TMEM163: variants seen among roughly 807,000 people sequenced by gnomAD.
The protein encoded by TMEM163 is transmembrane protein 163.
TMEM163 carries 17 observed loss-of-function variants against 29.3 expected under a neutral mutation model. The observed-to-expected ratio is 0.58, with a 90% confidence interval of 0.40 to 0.87. The LOEUF is 0.87. Ranked by LOEUF, TMEM163 falls within the 40% of genes least tolerant of loss-of-function variation. The pLI is 0.00. For synonymous variants in TMEM163, 157 were observed against 160.6 expected, an observed-to-expected ratio of 0.98 and a Z score of 0.17; for missense variants, 303 against 381.5, an observed-to-expected ratio of 0.79 and a Z score of 1.71.
intron 1 of TMEM163, among the ~76,000 whole-genome samples, chr2:134,718,445 G>T (rs114760154): frequency 0.013 from 1,929 of 152,354 alleles, 34 homozygotes; most frequent in African/African-American, 0.042. Context: ...TTTCCCGTGG[G>T]CGCCGGAGGG....
At chr2:134,492,174 A>G (rs905324551) in intron 5 of TMEM163, among the ~76,000 whole-genome samples, 8 of 152,186 alleles carry the variant, frequency 5.3e-5, no homozygotes, top group African/African-American at 1.7e-4. Context: ...TTACAGCATT[A>G]ATTTTAGCAG....
At chr2:134,493,938 T>C (rs1679488394) in intron 5 of TMEM163, among the ~76,000 whole-genome samples, 1 of 152,124 alleles carries the variant, frequency 6.6e-6, no homozygotes, top group Non-Finnish European at 1.5e-5. Context: ...TATGTGCAGG[T>C]CTATTTCTGG....
intron 2 of TMEM163, among the ~76,000 whole-genome samples, chr2:134,615,651 CTTTTTTTTTTTT>C (rs35159964): frequency 2.5e-5 from 2 of 79,160 alleles, no homozygotes; most frequent in South Asian, 4.7e-4. Flanking sequence ...AAGAGCAGAG[CTTTTTTTTTTTT>C]TTTTTTTTTT....
intron 4 of TMEM163, among the ~76,000 whole-genome samples, chr2:134,546,356 C>A (rs1680784239): frequency 6.6e-6 from 1 of 152,112 alleles, no homozygotes; most frequent in African/African-American, 2.4e-5. Context: ...ATTATTCAGC[C>A]TTTAGGCAGG....
chr2:134,563,210 A>C (rs1681222501), intron 2 of TMEM163, among the ~76,000 whole-genome samples: 2 of 152,260 alleles, frequency 1.3e-5, no homozygotes, highest in African/African-American at 4.8e-5. Context: ...CTCCACTGCC[A>C]GCCAGGCAGT....
chr2:134,569,742 G>A (rs1284418950), intron 2 of TMEM163, among the ~76,000 whole-genome samples: 1 of 152,132 alleles, frequency 6.6e-6, no homozygotes, highest in African/African-American at 2.4e-5. Context: ...TCCATATACA[G>A]TAGTCCCCTT....
Position 134,596,544 on chromosome 2 carries a change from C to T in TMEM163, c.323-44453G>A, listed in dbSNP as rs551463653. 6.4e-3 allele frequency among the ~76,000 whole-genome samples: 970 copies of T among 152,228 alleles called. 15 individuals carry two copies. Among genetic ancestry groups the T allele is most frequent in the African/African-American group, 0.022 (924 of 41,514 alleles). ...TGTAGTATAGTTTGAAGTCAGATAG[C>T]GTGATGCCTCCAGCTTTGTTCTTTT... On this transcript the variant is annotated intron_variant, in intron 2 of 7. Coordinates refer to ENST00000281924, the MANE Select transcript of TMEM163 (RefSeq NM_030923.5).
chr2:134,535,725 TTTTG>T (rs369742498), intron 4 of TMEM163, among the ~76,000 whole-genome samples: 10,806 of 145,900 alleles, frequency 0.074, 699 homozygotes, highest in African/African-American at 0.18. Flanking sequence ...TGGTTTTTTT[TTTTG>T]TTTGTTTGTT....
intron 2 of TMEM163, among the ~76,000 whole-genome samples, chr2:134,585,525 G>A (rs1033783021): frequency 3.3e-5 from 5 of 152,142 alleles, no homozygotes; most frequent in Non-Finnish European, 4.4e-5. Flanking sequence ...GGCAGATTAC[G>A]AGGTCAAGAG....
chr2:134,540,017 G>A (rs1386572774), intron 4 of TMEM163, among the ~76,000 whole-genome samples: 1 of 152,194 alleles, frequency 6.6e-6, no homozygotes, highest in Non-Finnish European at 1.5e-5. Context: ...AGGGCAGCAG[G>A]GAGCAGAAGA....
Position 134,718,928 on chromosome 2 carries a change from G to T in TMEM163, c.8C>A (p.Pro3Gln). ...GCTGCGGCGCTGGATGCCCGCGGCC[G>T]GCTCCATGGCGCGGGGCTGCGGATC... Reference protein sequence around the residue: MEPAAGIQRRSSQ... With the variant: MEQAAGIQRRSSQ... Residue 3 changes from proline (P) to glutamine (Q), a missense_variant, in exon 1 of 8, where the codon CCG (proline) becomes CAG (glutamine). Pro to Gln is a moderately conservative substitution (Grantham distance 76, BLOSUM62 -1). Transcript: ENST00000281924. 9.5e-7 allele frequency: 1 copy of T among 1,052,226 alleles called. No individual in the cohort carries two copies. The highest frequency in any genetic ancestry group is 1.1e-6 in the Non-Finnish European group (1 of 875,154). 65.2% of individuals were successfully genotyped at this position (1,052,226 alleles called of 1,614,324 possible).
rs77055286 is a variant in TMEM163 at position 134,693,889 on chromosome 2, G to C, written c.322+19311C>G. On this transcript the variant is annotated intron_variant, in intron 2 of 7. Transcript: ENST00000281924. ...GTCTGGGGATGTTCAGTCTTTGGAAGAGGTGACAAAACAACACAATAAGCT... is the reference window on the plus strand; with the variant it reads ...GTCTGGGGATGTTCAGTCTTTGGAACAGGTGACAAAACAACACAATAAGCT... Among the ~76,000 whole-genome samples the C allele has an allele frequency of 0.019, 2,859 of 152,256 alleles. 195 individuals carry two copies. The East Asian group carries it at 0.24, about 13-fold the overall frequency.
At chr2:134,461,501 T>G (rs1192959221) in intron 6 of TMEM163, among the ~76,000 whole-genome samples, 1 of 152,148 alleles carries the variant, frequency 6.6e-6, no homozygotes, top group Non-Finnish European at 1.5e-5. Flanking sequence ...TTCCTCTGAT[T>G]TGTAGTGTGT....
chr2:134,494,638 G>A (rs924981662), intron 5 of TMEM163, among the ~76,000 whole-genome samples: 2 of 152,204 alleles, frequency 1.3e-5, no homozygotes, highest in African/African-American at 4.8e-5. Flanking sequence ...CAGCCATCAT[G>A]TAAGCCAACA....
chr2:134,474,441 C>T (rs1098871), intron 5 of TMEM163, among the ~76,000 whole-genome samples: 99,084 of 151,884 alleles, frequency 0.65, 35,504 homozygotes, highest in East Asian at 0.98. Context: ...TATCAACCAA[C>T]GGTGAAAAAA....
chr2:134,515,042 T>TAG (rs1680028806), intron 4 of TMEM163, among the ~76,000 whole-genome samples: 2 of 152,206 alleles, frequency 1.3e-5, no homozygotes, highest in African/African-American at 4.8e-5. Flanking sequence ...AGCTGACAGA[T>TAG]AGAAGATTCT....
chr2:134,556,798 G>A (rs1414762204), intron 2 of TMEM163, among the ~76,000 whole-genome samples: 1 of 152,168 alleles, frequency 6.6e-6, no homozygotes, highest in Admixed American at 6.6e-5. Context: ...GCCAGCCTAG[G>A]CAACAGAGGG....
chr2:134,505,979 C>G (rs540814953), intron 4 of TMEM163, among the ~76,000 whole-genome samples: 48 of 152,270 alleles, frequency 3.2e-4, no homozygotes, highest in Admixed American at 8.5e-4. Flanking sequence ...TAAGCTCCCC[C>G]CATGGAGTCT....
chr2:134,633,315 T>A (rs1333093633), intron 2 of TMEM163, among the ~76,000 whole-genome samples: 1 of 151,906 alleles, frequency 6.6e-6, no homozygotes, highest in Non-Finnish European at 1.5e-5. Context: ...GACAAATACA[T>A]GAGATGACAG....
Sources: allele counts gnomAD v4.1 joint callset (sites outside exome capture counted in the v4.1 genomes callset), GRCh38; gene constraint gnomAD v4.1.1; transcripts MANE v1.5; gene names NCBI Gene and HGNC (gene_info 2026-07-23, HGNC 2026-07-21).